Variants in MCOLN2 observed in about 807,000 individuals in gnomAD.
MCOLN2 encodes mucolipin TRP cation channel 2.
Under a neutral mutation model 67.5 loss-of-function variants are expected in MCOLN2, and 57 were observed. The ratio of observed to expected loss-of-function variants is 0.84; its 90% confidence interval spans 0.68 to 1.05. MCOLN2 has a LOEUF of 1.05. MCOLN2 is among the 50% of genes least tolerant of loss of function. The pLI is 0.00. For missense variants in MCOLN2, 620 were observed against 678.8 expected, an observed-to-expected ratio of 0.91 and a Z score of 0.96; for synonymous variants, 246 against 233.3, an observed-to-expected ratio of 1.05 and a Z score of -0.50.
chr1:84,946,020 A>T (rs1326267963), intron 7 of MCOLN2, among the ~76,000 whole-genome samples: 2 of 152,176 alleles, frequency 1.3e-5, no homozygotes, highest in African/African-American at 2.4e-5. Flanking sequence ...AAGTGCTGGG[A>T]TTACAGGTGT....
rs996268431 is a variant in MCOLN2 at position 84,988,748 on chromosome 1, T to C, written c.77+8048A>G. Among the ~76,000 whole-genome samples, 15 of 152,112 alleles carry C rather than the reference T, an allele frequency of 9.9e-5. 1 individual carries two copies. The highest frequency in any genetic ancestry group is 3.6e-4 in the African/African-American group (15 of 41,404). On this transcript the variant is annotated intron_variant, in intron 1 of 13. Transcript: ENST00000370608. ...TCTTTGTTGAAAACCCTTTAGGGGCTTTCCCCTTCTCTCAGAGTAAAATCC... is the reference window on the plus strand; with the variant it reads ...TCTTTGTTGAAAACCCTTTAGGGGCCTTCCCCTTCTCTCAGAGTAAAATCC...
At chr1:84,989,672 T>C (rs775428779) in intron 1 of MCOLN2, among the ~76,000 whole-genome samples, 6 of 152,054 alleles carry the variant, frequency 3.9e-5, no homozygotes, top group Non-Finnish European at 5.9e-5. Context: ...GATGTAAAAA[T>C]GACTGAAAGA....
At chr1:84,995,675 A>C (rs1415544539) in intron 1 of MCOLN2, among the ~76,000 whole-genome samples, 2 of 152,218 alleles carry the variant, frequency 1.3e-5, no homozygotes, top group African/African-American at 2.4e-5. Context: ...ACATAGCCAA[A>C]GAGATCAGCT....
intron 1 of MCOLN2, among the ~76,000 whole-genome samples, chr1:84,968,910 G>A (rs1169986789): frequency 6.6e-6 from 1 of 152,210 alleles, no homozygotes; most frequent in East Asian, 1.9e-4. Context: ...GAACAGACAG[G>A]CCTTGCTGGG....
chr1:84,929,703 TAC>T (rs745822853), intron 12 of MCOLN2, 24 bp from the exon 13 acceptor site: 24 of 1,600,144 alleles, frequency 1.5e-5, no homozygotes, highest in Non-Finnish European at 1.8e-5. Context: ...ACAATGTTGT[TAC>T]CTTATTTATA....
At chr1:84,987,546 ATGT>A (rs1650639457) in intron 1 of MCOLN2, among the ~76,000 whole-genome samples, 1 of 99,000 alleles carries the variant, frequency 1.0e-5, no homozygotes, top group African/African-American at 4.2e-5. Context: ...GTATACATAG[ATGT>A]ATACATCTAT....
intron 7 of MCOLN2, among the ~76,000 whole-genome samples, chr1:84,946,301 T>G (rs1648102340): frequency 6.6e-6 from 1 of 152,184 alleles, no homozygotes; most frequent in African/African-American, 2.4e-5. Flanking sequence ...CCATAACACA[T>G]CACAGATTTT....
In MCOLN2 at chr1:84,926,446, A is replaced by T; in HGVS notation, c.*239T>A. On this transcript the variant is annotated 3_prime_UTR_variant, in exon 14 of 14. Coordinates refer to ENST00000370608, the MANE Select transcript of MCOLN2 (RefSeq NM_153259.4). ...TAACAGACTAATAGAGAATTTTATTATCGCTGTTATATTGCACTAATGCCC... is the reference window on the plus strand; with the variant it reads ...TAACAGACTAATAGAGAATTTTATTTTCGCTGTTATATTGCACTAATGCCC... 6 of 365,050 alleles carry T rather than the reference A, an allele frequency of 1.6e-5. No homozygotes were observed. In the East Asian group the frequency reaches 2.4e-4, roughly 15 times the overall value. The allele number at this position is 365,050 out of a possible 1,614,324, so 22.6% of individuals were successfully genotyped here.
rs745653785 is a variant in MCOLN2 at position 84,939,630 on chromosome 1, C to A, written c.1033G>T (p.Gly345Cys). 6.2e-7 allele frequency: 1 copy of A among 1,613,794 alleles called. No homozygotes were observed. Among genetic ancestry groups the A allele is most frequent in the Non-Finnish European group, 8.5e-7 (1 of 1,179,824 alleles). Residue 345 changes from glycine (G) to cysteine (C), a missense_variant, in exon 9 of 14, where the codon GGC becomes TGC. By Grantham distance (159) the Gly-to-Cys change is radical (BLOSUM62 -3). Transcript: ENST00000370608. The stretch of plus-strand genomic sequence containing the variant: ...CTGATAATCACCAGGACATACCAGC[C>A]GTTGATGAACTCCCACTGGTCGGTG... ...CDTDQWEFIN[G>C]WYVLVIISDL... is the part of the protein sequence containing the mutation.
At chr1:84,953,278 A>G (rs1011479641) in intron 4 of MCOLN2, among the ~76,000 whole-genome samples, 5 of 152,140 alleles carry the variant, frequency 3.3e-5, no homozygotes, top group African/African-American at 1.2e-4. Context: ...TTGGCCAGGC[A>G]CGGTGGCTCA....
chr1:84,969,637 A>AGGCCTTT (rs1649563877), intron 1 of MCOLN2, among the ~76,000 whole-genome samples: 1 of 152,138 alleles, frequency 6.6e-6, no homozygotes, highest in African/African-American at 2.4e-5. Flanking sequence ...AAGAATGTGA[A>AGGCCTTT]GGCCTTAAAC....
chr1:84,939,849 G>T, intron 8 of MCOLN2, 147 bp from the exon 9 acceptor site: 1 of 726,372 alleles, frequency 1.4e-6, no homozygotes, highest in Non-Finnish European at 2.3e-6. Context: ...TGGAGGTTAC[G>T]GCACACACTT....
intron 11 of MCOLN2, among the ~76,000 whole-genome samples, chr1:84,934,865 T>A (rs1647335192): frequency 6.6e-6 from 1 of 152,198 alleles, no homozygotes; most frequent in Non-Finnish European, 1.5e-5. Context: ...CTTTTGCATC[T>A]TGACTCCCTT....
intron 9 of MCOLN2, among the ~76,000 whole-genome samples, chr1:84,938,803 G>C (rs1471324621): frequency 6.6e-6 from 1 of 152,168 alleles, no homozygotes; most frequent in African/African-American, 2.4e-5. Context: ...TGCTGCTGAG[G>C]GAGGCCACTT....
Position 84,996,791 on chromosome 1 carries a change from C to T in MCOLN2, c.77+5G>A. 1 of 1,613,634 alleles carries T rather than the reference C, an allele frequency of 6.2e-7. No individual in the cohort carries two copies. ...ATCCTGAAAGATGAAGCCCAGACTCCTCACCTGACGGTTAACCTGAAAACA... is the reference window on the plus strand; with the variant it reads ...ATCCTGAAAGATGAAGCCCAGACTCTTCACCTGACGGTTAACCTGAAAACA... On this transcript the variant is annotated splice_donor_5th_base_variant and intron_variant, in intron 1 of 13. Coordinates refer to ENST00000370608, the MANE Select transcript of MCOLN2 (RefSeq NM_153259.4).
rs765534096 is a variant in MCOLN2, at chr1:84,929,539, G to A, written c.1664+19C>T. 1.5e-5 allele frequency: 24 copies of A among 1,600,186 alleles called. No individual in the cohort carries two copies. Among genetic ancestry groups the A allele is most frequent in the African/African-American group, 2.7e-5 (2 of 74,616 alleles). On this transcript the variant is annotated intron_variant, in intron 13 of 13. Transcript: ENST00000370608. ...GAACAGCCCATCTCAGGAGCATGGA[G>A]AATAAACATGATACTGACCTCCTCC...
At chr1:84,947,961 G>C (rs555435929) in intron 6 of MCOLN2, among the ~76,000 whole-genome samples, 4 of 152,392 alleles carry the variant, frequency 2.6e-5, no homozygotes, top group African/African-American at 9.6e-5. Flanking sequence ...GGAACAGGCA[G>C]AAGTGCACAG....
At chr1:84,996,732 G>T in intron 1 of MCOLN2, 64 bp downstream of exon 1, 2 of 1,445,930 alleles carry the variant, frequency 1.4e-6, no homozygotes, top group Non-Finnish European at 1.9e-6. Context: ...CGAAAGTAAA[G>T]CCATCGACTT....
intron 6 of MCOLN2, among the ~76,000 whole-genome samples, chr1:84,951,450 G>C (rs1159317290): frequency 6.6e-6 from 1 of 152,160 alleles, no homozygotes; most frequent in Non-Finnish European, 1.5e-5. Context: ...CCATAAAAGT[G>C]AACTGTCTCT....
Sources: gnomAD v4.1 joint callset for allele counts (sites outside exome capture counted in the v4.1 genomes callset) on GRCh38, gnomAD v4.1.1 for gene constraint, MANE v1.5 for transcripts, NCBI Gene and HGNC (gene_info 2026-07-23, HGNC 2026-07-21) for gene names.